Variants in LINGO2 observed in about 807,000 individuals in gnomAD.
LINGO2 encodes leucine rich repeat and Ig domain containing 2, also known as leucine-rich repeat and immunoglobulin-like domain-containing nogo receptor-interacting protein 2.
Under a neutral mutation model 30.6 loss-of-function variants are expected in LINGO2, and 14 were observed. The observed-to-expected ratio is 0.46, with a 90% CI of 0.30 to 0.72. LINGO2 has a LOEUF of 0.72. Ranked by LOEUF, LINGO2 falls within the 30% of genes least tolerant of loss-of-function variation. The probability of loss-of-function intolerance (pLI) is 0.07; values close to 1 mark genes in which losing one functional copy is unlikely to be tolerated. For missense variants in LINGO2, 729 were observed against 751.7 expected (o/e 0.97, Z 0.35); for synonymous variants, 317 against 288.5 (o/e 1.10, Z -1.00).
the LINGO2 span, among the ~76,000 whole-genome samples, chr9:28,899,091 C>T: frequency 3.3e-5 from 5 of 152,040 alleles, no homozygotes; most frequent in Admixed American, 3.3e-4. Context: ...CTACAAAAAC[C>T]AGTTAAGAGA....
intron 4 of LINGO2, among the ~76,000 whole-genome samples, chr9:28,037,123 A>C (rs763525284): frequency 6.6e-6 from 1 of 152,214 alleles, no homozygotes; most frequent in African/African-American, 2.4e-5. Flanking sequence ...AAGTGATGTT[A>C]AAGTAGGAAA....
chr9:28,935,444 G>A, the LINGO2 span, among the ~76,000 whole-genome samples: 1 of 152,066 alleles, frequency 6.6e-6, no homozygotes, highest in Non-Finnish European at 1.5e-5. Context: ...GACTGGGAGA[G>A]TAGAGAAGAA....
chr9:29,180,809 A>G, the LINGO2 span, among the ~76,000 whole-genome samples: 1 of 152,362 alleles, frequency 6.6e-6, no homozygotes, highest in Non-Finnish European at 1.5e-5. Flanking sequence ...GTGTTTAATG[A>G]TATTATGACT....
chr9:28,978,426 C>A, the LINGO2 span, among the ~76,000 whole-genome samples: 2 of 152,074 alleles, frequency 1.3e-5, no homozygotes, highest in South Asian at 4.1e-4. Flanking sequence ...TTATTGGAAT[C>A]CTACATCTTC....
chr9:28,891,156 G>A, the LINGO2 span, among the ~76,000 whole-genome samples: 2 of 151,942 alleles, frequency 1.3e-5, no homozygotes, highest in African/African-American at 4.8e-5. Flanking sequence ...AAACAGAGGA[G>A]GAAATGTTGA....
chr9:28,667,984 C>T (rs1266763190), intron 1 of LINGO2, among the ~76,000 whole-genome samples: 4 of 152,106 alleles, frequency 2.6e-5, no homozygotes, highest in Non-Finnish European at 5.9e-5. Flanking sequence ...ACCTTCTCAA[C>T]GTGAACCTAT....
chr9:28,631,642 C>G (rs755822380), intron 1 of LINGO2, among the ~76,000 whole-genome samples: 1 of 151,926 alleles, frequency 6.6e-6, no homozygotes, highest in Non-Finnish European at 1.5e-5. Context: ...GAAGAGAGAA[C>G]GTTAATATTT....
chr9:28,376,539 C>T (rs2134602884), intron 2 of LINGO2, among the ~76,000 whole-genome samples: 1 of 152,306 alleles, frequency 6.6e-6, no homozygotes, highest in Non-Finnish European at 1.5e-5. Context: ...ACAGCTGAGT[C>T]CTTCTCTGGG....
At chr9:28,898,011 C>G in the LINGO2 span, among the ~76,000 whole-genome samples, 2 of 151,918 alleles carry the variant, frequency 1.3e-5, no homozygotes, top group African/African-American at 4.8e-5. Context: ...AGGATTCTGT[C>G]AATGATAGTA....
the LINGO2 span, among the ~76,000 whole-genome samples, chr9:28,844,176 A>G: frequency 6.6e-6 from 1 of 151,822 alleles, no homozygotes; most frequent in East Asian, 1.9e-4. Context: ...AGCCTGGCCA[A>G]CATGGTGAAA....
chr9:29,174,650 A>G, the LINGO2 span, among the ~76,000 whole-genome samples: 3 of 152,210 alleles, frequency 2.0e-5, no homozygotes, highest in Admixed American at 1.3e-4. Flanking sequence ...ATAAAATTTA[A>G]AAGTCTATTG....
At chr9:28,783,858 C>G in the LINGO2 span, among the ~76,000 whole-genome samples, 1 of 152,122 alleles carries the variant, frequency 6.6e-6, no homozygotes, top group African/African-American at 2.4e-5. Context: ...AGTGGCAGAT[C>G]CAGTGTCTGG....
At chr9:28,276,155 C>G (rs765238280) in intron 4 of LINGO2, among the ~76,000 whole-genome samples, 4 of 152,200 alleles carry the variant, frequency 2.6e-5, no homozygotes, top group Non-Finnish European at 5.9e-5. Flanking sequence ...ATATCAGGAG[C>G]CTTGTACGTT....
chr9:29,177,185 T>C, the LINGO2 span, among the ~76,000 whole-genome samples: 76 of 152,290 alleles, frequency 5.0e-4, no homozygotes, highest in Middle Eastern at 6.8e-3. Context: ...AGTGTAGCCA[T>C]AAAGATAAAT....
chr9:28,364,342 GT>G (rs11387618), intron 3 of LINGO2, among the ~76,000 whole-genome samples: 51 of 146,904 alleles, frequency 3.5e-4, no homozygotes, highest in African/African-American at 5.5e-4. Context: ...GTTAGCTTTA[GT>G]TTTTTTTTTT....
chr9:28,737,475 A>T, the LINGO2 span, among the ~76,000 whole-genome samples: 1 of 152,198 alleles, frequency 6.6e-6, no homozygotes, highest in African/African-American at 2.4e-5. Context: ...ATATTTACTG[A>T]TGCAGTTAAC....
intron 1 of LINGO2, among the ~76,000 whole-genome samples, chr9:28,566,924 C>A (rs1441472426): frequency 2.6e-5 from 4 of 152,182 alleles, no homozygotes; most frequent in Non-Finnish European, 5.9e-5. Context: ...AAGTGGCCAA[C>A]TACAGTAGTG....
At chr9:29,209,749 G>A in the LINGO2 span, among the ~76,000 whole-genome samples, 19 of 152,098 alleles carry the variant, frequency 1.2e-4, no homozygotes, top group Non-Finnish European at 2.5e-4. Context: ...AACCATAAAG[G>A]GAAGAGGCTT....
At chr9:28,524,555 C>A (rs186758270) in intron 1 of LINGO2, among the ~76,000 whole-genome samples, 29 of 152,240 alleles carry the variant, frequency 1.9e-4, no homozygotes, top group Non-Finnish European at 1.5e-4. Flanking sequence ...GAGTTCAAGA[C>A]CAGTCTGGCC....
Sources: gnomAD v4.1 joint callset for allele counts (sites outside exome capture counted in the v4.1 genomes callset) on GRCh38, gnomAD v4.1.1 for gene constraint, MANE v1.5 for transcripts, NCBI Gene and HGNC (gene_info 2026-07-23, HGNC 2026-07-21) for gene names.